Variants in STARD9 observed in about 807,000 individuals in gnomAD.
STARD9 encodes StAR related lipid transfer domain containing 9, also known as stAR-related lipid transfer protein 9.
Under a neutral mutation model 399.8 loss-of-function variants are expected in STARD9, and 346 were observed. That is an observed-to-expected ratio of 0.87 (90% CI 0.79 to 0.95). STARD9 has a LOEUF of 0.95. Ranked by LOEUF, STARD9 falls within the 40% of genes least tolerant of loss-of-function variation. The pLI is 0.00. For synonymous variants in STARD9, 2,203 were observed against 2,143.5 expected, an observed-to-expected ratio of 1.03 and a Z score of -0.77; for missense variants, 5,832 against 5,667.5, an observed-to-expected ratio of 1.03 and a Z score of -0.93.
chr15:42,696,800 CTT>C (rs779408424), intron 26 of STARD9, among the ~76,000 whole-genome samples: 2 of 151,790 alleles, frequency 1.3e-5, no homozygotes, highest in African/African-American at 4.9e-5. Flanking sequence ...AGAGCACACA[CTT>C]GACTTGAGCA....
In STARD9 at chr15:42,685,682, C is replaced by T. The variant is rs754515197; in HGVS notation, c.4104C>T (p.Ser1368=). The T allele has an allele frequency of 1.3e-4, 199 of 1,537,170 alleles. No individual in the cohort carries two copies. Among genetic ancestry groups the T allele is most frequent in the Non-Finnish European group, 1.6e-4 (187 of 1,146,958 alleles). The part of the protein sequence containing the change: ...CPSPDMQEFH[S]CKGERPGYWP... ...GTCCTGATATGCAGGAATTTCACTC[C>T]TGTAAGGGGGAGAGGCCTGGATACT... Residue 1368 remains serine (S), a synonymous_variant, in exon 23 of 33, where the codon TCC becomes TCT. Transcript: ENST00000290607.
intron 3 of STARD9, among the ~76,000 whole-genome samples, chr15:42,631,828 T>TA: frequency 6.6e-6 from 1 of 152,172 alleles, no homozygotes. Flanking sequence ...ATTTTTTTTT[T>TA]AAATTATTTA....
intron 10 of STARD9, among the ~76,000 whole-genome samples, chr15:42,662,295 T>C (rs960576844): frequency 2.6e-5 from 4 of 152,202 alleles, no homozygotes; most frequent in African/African-American, 7.2e-5. Context: ...ATTTTCTTAT[T>C]TTAAAACATA....
At chr15:42,661,043 G>A (rs2059984276) in intron 9 of STARD9, 115 bp from the exon 10 acceptor site, 1 of 707,062 alleles carries the variant, frequency 1.4e-6, no homozygotes, top group South Asian at 1.7e-5. Context: ...TTAGAATACA[G>A]ATTTGTTGAG....
At chr15:42,648,880 T>A (rs1158011260) in intron 7 of STARD9, among the ~76,000 whole-genome samples, 3 of 152,096 alleles carry the variant, frequency 2.0e-5, no homozygotes, top group Admixed American at 6.6e-5. Context: ...CTGTGAGTCT[T>A]ACCATTTCTT....
At chr15:42,716,456 CA>C (rs1179351227) in intron 26 of STARD9, among the ~76,000 whole-genome samples, 1 of 152,184 alleles carries the variant, frequency 6.6e-6, no homozygotes, top group African/African-American at 2.4e-5. Flanking sequence ...CTCCTGTAAG[CA>C]GCCTCTGCCT....
intron 3 of STARD9, among the ~76,000 whole-genome samples, chr15:42,588,595 T>A (rs1227388750): frequency 1.3e-5 from 2 of 152,004 alleles, no homozygotes; most frequent in Non-Finnish European, 2.9e-5. Context: ...GCAGGACTCA[T>A]ATCTACATGA....
chr15:42,696,833 A>G (rs1255233864), intron 26 of STARD9, among the ~76,000 whole-genome samples: 1 of 151,984 alleles, frequency 6.6e-6, no homozygotes, highest in Non-Finnish European at 1.5e-5. Context: ...GGTCATGTGA[A>G]CAATGACAAG....
At position 42,688,784 on chromosome 15, in the gene STARD9, G is replaced by C. The variant is rs2060621328; in HGVS notation, c.7206G>C (p.Glu2402Asp). 6.5e-7 allele frequency: 1 copy of C among 1,537,518 alleles called. No homozygotes were observed. The highest frequency in any genetic ancestry group is 2.4e-5 in the East Asian group (1 of 40,912). ...PEGNVRGRSS[E>D]AHTAWCGSVR... ...GAAATGTTAGAGGGCGTTCCTCTGA[G>C]GCACACACTGCCTGGTGTGGGTCTG... The change falls in exon 23 of 33, where the codon GAG (glutamate) becomes GAC (aspartate). Residue 2402 changes from glutamate (E) to aspartate (D), a missense_variant. By Grantham distance (45) the Glu-to-Asp change is conservative (BLOSUM62 2). Around this residue, in one of 2 missense-constraint regions of STARD9, gnomAD observed 5,828 missense variants for 5,651.1 expected, o/e 1.03. Transcript: ENST00000290607.
At chr15:42,677,735 A>G (rs1374280613) in intron 20 of STARD9, among the ~76,000 whole-genome samples, 1 of 152,144 alleles carries the variant, frequency 6.6e-6, no homozygotes, top group Non-Finnish European at 1.5e-5. Context: ...CCCTACCTCT[A>G]AAGAGACGAT....
rs570354852 is a variant in STARD9 at position 42,592,073 on chromosome 15, G to GTGATC, written c.234+6442_234+6446dup. Among the ~76,000 whole-genome samples, 734 of 152,256 alleles carry GTGATC rather than the reference G, an allele frequency of 4.8e-3. 3 individuals are homozygous for GTGATC. Among genetic ancestry groups the GTGATC allele is most frequent in the Middle Eastern group, 0.01 (3 of 294 alleles). ...AAAAGAAATACCATTTAGCCTACTA[G>GTGATC]TGATCTGATCATCTCTTTATGTATA... On this transcript the variant is annotated intron_variant, in intron 3 of 32. Coordinates refer to ENST00000290607, the MANE Select transcript of STARD9 (RefSeq NM_020759.3).
At position 42,708,134 on chromosome 15, in the gene STARD9, C is replaced by A. The variant is rs146410393; in HGVS notation, c.13285-8543C>A. ...TGCTGCTGCACTCCAGCCTGGGTGACACAGCAAGACCCTGTTTCAAAAAAA... is the reference window on the plus strand; with the variant it reads ...TGCTGCTGCACTCCAGCCTGGGTGAAACAGCAAGACCCTGTTTCAAAAAAA... On this transcript the variant is annotated intron_variant, in intron 26 of 32. Coordinates refer to ENST00000290607, the MANE Select transcript of STARD9 (RefSeq NM_020759.3). Among the ~76,000 whole-genome samples, 1,048 of 152,066 alleles carry A rather than the reference C, an allele frequency of 6.9e-3. 14 individuals are homozygous for A. The highest frequency in any genetic ancestry group is 0.024 in the African/African-American group (977 of 41,482).
intron 24 of STARD9, among the ~76,000 whole-genome samples, 152 bp downstream of exon 24, chr15:42,694,877 G>C (rs1488054279): frequency 3.3e-5 from 5 of 151,956 alleles, no homozygotes; most frequent in Admixed American, 3.3e-4. Context: ...ATGAGGGAGG[G>C]GGTGGGCAGA....
At position 42,689,476 on chromosome 15, in the gene STARD9, A is replaced by G. The variant is rs2060639275; in HGVS notation, c.7898A>G (p.Asp2633Gly). ...AEAGQIDLLPDERKVQATSLS... is the reference protein window; with the variant it reads ...AEAGQIDLLPGERKVQATSLS... ...GCAGGGCAGATAGATCTGTTACCTG[A>G]TGAGAGGAAAGTCCAGGCCACATCT... The change falls in exon 23 of 33, where the codon GAT (aspartate) becomes GGT (glycine). Residue 2633 changes from aspartate to glycine, a missense_variant. Asp to Gly is a moderately conservative substitution (Grantham distance 94, BLOSUM62 -1). Coordinates refer to ENST00000290607, the MANE Select transcript of STARD9 (RefSeq NM_020759.3). The G allele has an allele frequency of 6.5e-7, 1 of 1,537,206 alleles. No homozygotes were observed.
At chr15:42,586,070 A>T (rs1424414505) in intron 3 of STARD9, among the ~76,000 whole-genome samples, 5 of 152,212 alleles carry the variant, frequency 3.3e-5, no homozygotes, top group Non-Finnish European at 7.3e-5. Context: ...AGGTGGGAAA[A>T]GACTGCTTGA....
At chr15:42,667,226 C>T (rs144624716) in intron 15 of STARD9, among the ~76,000 whole-genome samples, 2,584 of 152,130 alleles carry the variant, frequency 0.017, 36 homozygotes, top group Non-Finnish European at 0.026. Flanking sequence ...ACCCTGTCAC[C>T]CAGGCTGGAG....
intron 9 of STARD9, among the ~76,000 whole-genome samples, chr15:42,657,027 AAG>A (rs1431356985): frequency 1.3e-5 from 2 of 152,116 alleles, no homozygotes; most frequent in Non-Finnish European, 2.9e-5. Context: ...AAGTAAGCAT[AAG>A]AGAGCTGGAG....
At chr15:42,719,343 G>A in intron 32 of STARD9, 130 bp from the exon 33 acceptor site, 1 of 645,360 alleles carries the variant, frequency 1.5e-6, no homozygotes, top group East Asian at 2.7e-5. Flanking sequence ...CCAGGGGCCT[G>A]TAAACACCAA....
rs1174550800 is a variant in STARD9 at position 42,687,199 on chromosome 15, T to C, written c.5621T>C (p.Ile1874Thr). Residue 1874 changes from isoleucine to threonine, a missense_variant, in exon 23 of 33, where the codon ATT (isoleucine) becomes ACT (threonine). Ile to Thr is a moderately conservative substitution (Grantham distance 89, BLOSUM62 -1). Coordinates refer to ENST00000290607, the MANE Select transcript of STARD9 (RefSeq NM_020759.3). ...TGTGAATTTGAAAACCAAGTTGTAATTTTAAATAAAAAACACAGTTTTCCA... is the reference window on the plus strand; with the variant it reads ...TGTGAATTTGAAAACCAAGTTGTAACTTTAAATAAAAAACACAGTTTTCCA... ...KVCEFENQVV[I>T]LNKKHSFPAL... 9.1e-6 allele frequency: 14 copies of C among 1,537,404 alleles called. No individual in the cohort carries two copies. The highest frequency in any genetic ancestry group is 1.1e-5 in the Non-Finnish European group (13 of 1,146,966).
Sources: allele counts gnomAD v4.1 joint callset (sites outside exome capture counted in the v4.1 genomes callset), GRCh38; gene constraint gnomAD v4.1.1; regional missense constraint gnomAD v4.1.1; transcripts MANE v1.5; gene names NCBI Gene and HGNC (gene_info 2026-07-23, HGNC 2026-07-21).